The following EFHC2 variants were observed in gnomAD, a reference collection of about 807,000 sequenced individuals.
EFHC2 encodes EF-hand domain-containing family member C2.
In EFHC2, 18 loss-of-function variants were observed where a neutral mutation model predicts 52.7. That is an observed-to-expected ratio of 0.34 (90% CI 0.24 to 0.51). The LOEUF is 0.51. Ranked by LOEUF, EFHC2 falls within the 20% of genes least tolerant of loss-of-function variation. The pLI, the probability that EFHC2 is intolerant of heterozygous loss-of-function variation, is 0.97. For synonymous variants in EFHC2, 203 were observed against 204.1 expected, an observed-to-expected ratio of 0.99 and a Z score of 0.04; for missense variants, 513 against 562.5, an observed-to-expected ratio of 0.91 and a Z score of 0.89.
In EFHC2 at chrX:44,207,511, T is replaced by TA. The variant is rs765899710; in HGVS notation, c.1751+22137dup. ...GGGTGACAGAGTGAGACTCCGTCTCTAAAAAAAAAAAAAAGAAAGGCTTAA... is the reference window on the plus strand; with the variant it reads ...GGGTGACAGAGTGAGACTCCGTCTCTAAAAAAAAAAAAAAAGAAAGGCTTAA... On this transcript the variant is annotated intron_variant, in intron 11 of 14. Transcript: ENST00000420999. Among the ~76,000 whole-genome samples the TA allele has an allele frequency of 7.3e-3, 686 of 94,178 alleles. 16 individuals are homozygous for TA. The East Asian group carries it at 0.11, about 14-fold the overall frequency. The allele number at this position is 94,178 out of a possible 115,157, so 81.8% of individuals were successfully genotyped here. A position where few individuals can be genotyped will look rare whatever the true frequency, so the allele number is the denominator to read the frequency against.
At chrX:44,153,521 C>T (rs2036585234) in intron 14 of EFHC2, among the ~76,000 whole-genome samples, 1 of 111,592 alleles carries the variant, frequency 9.0e-6, no homozygotes, top group Admixed American at 9.5e-5. Context: ...TATTGCCAAC[C>T]CCCAATTTCA....
chrX:44,174,003 C>T (rs892183394), intron 13 of EFHC2, among the ~76,000 whole-genome samples: 6 of 111,954 alleles, frequency 5.4e-5, no homozygotes, highest in African/African-American at 1.9e-4. Context: ...GAAAGGCATT[C>T]AGATCCAATT....
At chrX:44,200,473 T>C (rs4824796) in intron 11 of EFHC2, among the ~76,000 whole-genome samples, 47,106 of 109,875 alleles carry the variant, frequency 0.43, 7,363 homozygotes, top group Admixed American at 0.5. Context: ...CGGAAAAGGA[T>C]GGAAACATGA....
intron 11 of EFHC2, among the ~76,000 whole-genome samples, chrX:44,212,091 C>G (rs976330186): frequency 1.8e-5 from 2 of 109,328 alleles, no homozygotes; most frequent in African/African-American, 6.7e-5. Flanking sequence ...GTGGATATGC[C>G]TGAGGGATAA....
intron 11 of EFHC2, among the ~76,000 whole-genome samples, chrX:44,195,032 T>C (rs1041354209): frequency 1.8e-5 from 2 of 112,103 alleles, no homozygotes; most frequent in Non-Finnish European, 3.8e-5. Flanking sequence ...ATTCCCTCTG[T>C]GGGATACTGC....
intron 2 of EFHC2, among the ~76,000 whole-genome samples, chrX:44,294,972 TATCTC>T (rs1480786706): frequency 2.7e-5 from 3 of 112,241 alleles, no homozygotes; most frequent in Non-Finnish European, 5.6e-5. Context: ...TTTATACTCT[TATCTC>T]ATTTACTCCT....
chrX:44,267,042 TAGG>T (rs2147349042), intron 3 of EFHC2, among the ~76,000 whole-genome samples: 1 of 112,085 alleles, frequency 8.9e-6, no homozygotes, highest in African/African-American at 3.2e-5. Context: ...TGGGGTGGGC[TAGG>T]AGATTCTGAG....
At chrX:44,312,830 C>A in intron 1 of EFHC2, 74 bp from the exon 2 acceptor site, 1 of 965,382 alleles carries the variant, frequency 1.0e-6, no homozygotes, top group Non-Finnish European at 1.4e-6. Flanking sequence ...TGTAAAATGT[C>A]AACACATTTT....
chrX:44,150,832 T>C (rs1433234373), intron 14 of EFHC2, among the ~76,000 whole-genome samples: 1 of 111,323 alleles, frequency 9.0e-6, no homozygotes, highest in Non-Finnish European at 1.9e-5. Context: ...GAAGTCCTAA[T>C]CCCTAGTACC....
At position 44,229,760 on chromosome X, in the gene EFHC2, T is replaced by C. The variant is rs1179133505; in HGVS notation, c.1640A>G (p.Lys547Arg). ...NTDKYPFSNLKLALQKLKQEE... is the reference protein window; with the variant it reads ...NTDKYPFSNLRLALQKLKQEE... ...TTGCTTCAGCTTTTGTAGGGCAAGT[T>C]TGAGGTTACTGAAAGGATACTGTAA... The change falls in exon 11 of 15, where the codon AAA (lysine) becomes AGA (arginine). Residue 547 changes from lysine to arginine, a missense_variant. Transcript: ENST00000420999. The C allele has an allele frequency of 1.7e-6, 2 of 1,209,553 alleles. No individual in the cohort carries two copies. The highest frequency in any genetic ancestry group is 2.2e-6 in the Non-Finnish European group (2 of 894,364).
At chrX:44,194,435 G>A (rs1421924216) in intron 11 of EFHC2, among the ~76,000 whole-genome samples, 1 of 111,726 alleles carries the variant, frequency 9.0e-6, no homozygotes, top group Admixed American at 9.5e-5. Context: ...TCCAGATAAT[G>A]TAATGAGAAC....
chrX:44,319,328 C>A (rs934034083), intron 1 of EFHC2, among the ~76,000 whole-genome samples: 11 of 111,228 alleles, frequency 9.9e-5, no homozygotes, highest in African/African-American at 3.6e-4. Flanking sequence ...GAGGCCACTG[C>A]CATATCTTAA....
intron 3 of EFHC2, among the ~76,000 whole-genome samples, chrX:44,263,419 T>G (rs957243214): frequency 8.9e-6 from 1 of 112,298 alleles, no homozygotes; most frequent in African/African-American, 3.2e-5. Flanking sequence ...TATCATCTTT[T>G]CACTCTGTTG....
At chrX:44,286,325 C>G (rs1485535689) in intron 2 of EFHC2, 1 of 112,536 alleles carries the variant, frequency 8.9e-6, no homozygotes, top group Non-Finnish European at 1.9e-5. Context: ...GATTTGAACT[C>G]TGCGTATGTC....
At chrX:44,234,815 C>T (rs2037305373) in intron 9 of EFHC2, among the ~76,000 whole-genome samples, 1 of 111,777 alleles carries the variant, frequency 8.9e-6, no homozygotes, top group African/African-American at 3.3e-5. Flanking sequence ...GTGCTGGAAC[C>T]TTGGCAACAA....
intron 14 of EFHC2, among the ~76,000 whole-genome samples, chrX:44,158,921 G>T (rs1372716523): frequency 8.9e-6 from 1 of 111,886 alleles, no homozygotes; most frequent in Non-Finnish European, 1.9e-5. Context: ...GGATTTGGTG[G>T]CCCAGCTGCT....
chrX:44,154,774 T>A (rs1283683818), intron 14 of EFHC2, among the ~76,000 whole-genome samples: 1 of 111,440 alleles, frequency 9.0e-6, no homozygotes, highest in African/African-American at 3.3e-5. Context: ...TTTGCTAATA[T>A]GCCTTTAGTA....
At chrX:44,324,282 C>T (rs1398232411) in intron 1 of EFHC2, among the ~76,000 whole-genome samples, 1 of 110,508 alleles carries the variant, frequency 9.0e-6, no homozygotes, top group Non-Finnish European at 1.9e-5. Context: ...CCTATGATTT[C>T]ATCCCCAAAC....
At chrX:44,288,061 C>G (rs1165885369) in intron 2 of EFHC2, among the ~76,000 whole-genome samples, 1 of 110,108 alleles carries the variant, frequency 9.1e-6, no homozygotes, top group African/African-American at 3.3e-5. Flanking sequence ...TTTTAAAAAC[C>G]CAAACAAAAT....
Sources: allele counts gnomAD v4.1 joint callset (sites outside exome capture counted in the v4.1 genomes callset), GRCh38; gene constraint gnomAD v4.1.1; transcripts MANE v1.5; gene names NCBI Gene and HGNC (gene_info 2026-07-23, HGNC 2026-07-21).